The following SLX4 variants were observed in gnomAD, a reference collection of about 807,000 sequenced individuals.
SLX4 encodes the protein structure-specific endonuclease subunit SLX4.
Under a neutral mutation model 146.2 loss-of-function variants are expected in SLX4, and 112 were observed. The observed-to-expected ratio is 0.77, with a 90% CI of 0.66 to 0.90. SLX4 has a LOEUF of 0.90. Among genes scored for constraint, SLX4 ranks in the 40% least tolerant of loss-of-function variants. The probability of loss-of-function intolerance (pLI) is 0.00; values close to 1 mark genes in which losing one functional copy is unlikely to be tolerated. For synonymous variants in SLX4, 1,061 were observed against 997.7 expected (o/e 1.06, Z -1.20); for missense variants, 2,563 against 2,392.7 (o/e 1.07, Z -1.49).
chr16:3,582,031 C>T lies in SLX4; in HGVS notation c.*311G>A, dbSNP rs749668095. 137 of 447,254 alleles carry T rather than the reference C, an allele frequency of 3.1e-4. No homozygotes were observed. Among genetic ancestry groups the T allele is most frequent in the Non-Finnish European group, 4.6e-4 (112 of 245,234 alleles). The allele number at this position is 447,254 out of a possible 1,614,324, so 27.7% of individuals were successfully genotyped here. On this transcript the variant is annotated 3_prime_UTR_variant, in exon 15 of 15. Transcript: ENST00000294008. ...GCACTCCAGCCTAGGTGACACAGCA[C>T]GACTGTCTCAAAAAGAAAAAAAAAA...
At position 3,597,242 on chromosome 16, in the gene SLX4, G is replaced by T; in HGVS notation, c.1683+137C>A. ...GAGAAGAAAGCTGCAGCCACCAAGT[G>T]CCCCTCTGGCCTCCTCCCGCCTCTG... On this transcript the variant is annotated intron_variant, in intron 7 of 14. Transcript: ENST00000294008. This position sits in a 1 kb window ranked among gnomAD's most constrained non-coding sequence, Gnocchi z 4.4. 3.2e-6 allele frequency: 3 copies of T among 933,988 alleles called. No individual in the cohort carries two copies. Among genetic ancestry groups the T allele is most frequent in the South Asian group, 3.6e-5 (2 of 56,156 alleles). The allele number at this position is 933,988 out of a possible 1,614,324, so 57.9% of individuals were successfully genotyped here.
chr16:3,599,597 GT>G (rs2040704573), intron 5 of SLX4, among the ~76,000 whole-genome samples: 1 of 152,192 alleles, frequency 6.6e-6, no homozygotes, highest in Admixed American at 6.5e-5. Flanking sequence ...GTTTTTGTTT[GT>G]TTTATGAAGA....
intron 3 of SLX4, among the ~76,000 whole-genome samples, chr16:3,606,241 G>T (rs1433134870): frequency 6.6e-6 from 1 of 151,908 alleles, no homozygotes; most frequent in African/African-American, 2.4e-5. Flanking sequence ...ACAGAGCAAG[G>T]CTCTGTCTCA....
chr16:3,582,997 T>C, intron 14 of SLX4, 100 bp downstream of exon 14: 2 of 1,469,578 alleles, frequency 1.4e-6, no homozygotes, highest in Non-Finnish European at 1.9e-6. Context: ...GTGACGGGGG[T>C]TTTTGAAGAT....
At position 3,582,499 on chromosome 16, in the gene SLX4, G is replaced by A. The variant is rs2151115639; in HGVS notation, c.5348C>T (p.Ala1783Val). The change falls in exon 15 of 15, where the codon GCA (alanine) becomes GTA (valine). Residue 1783 changes from alanine to valine, a missense_variant. Ala to Val is a moderately conservative substitution (Grantham distance 64). Transcript: ENST00000294008. Reference sequence around the variant, plus strand: ...ACGGAGGCCGTTCTGCCTCAGCTCTGCCTGCAGCTCCCGCAGCTCAAAGGG... The same window carrying A: ...ACGGAGGCCGTTCTGCCTCAGCTCTACCTGCAGCTCCCGCAGCTCAAAGGG... ...YQPFELRELQ[A>V]ELRQNGLRVS... The A allele has an allele frequency of 6.2e-7, 1 of 1,614,036 alleles. No individual in the cohort carries two copies. Among genetic ancestry groups the A allele is most frequent in the South Asian group, 1.1e-5 (1 of 91,086 alleles).
In SLX4 at chr16:3,602,147, G is replaced by A. The variant is rs370468973; in HGVS notation, c.921C>T (p.Asn307=). ...TCACATGCTGTTCCCTTCGGGTCAC[G>A]TTCATGGCTGAGAGGTTCTTTTGAC... ...QICQKNLSAM[N]VTRREQHVNR... is the part of the protein sequence containing the mutation. The change falls in exon 4 of 15, where the codon AAC becomes AAT. Residue 307 remains asparagine (N), a synonymous_variant. Coordinates refer to ENST00000294008, the MANE Select transcript of SLX4 (RefSeq NM_032444.4). The A allele has an allele frequency of 2.5e-5, 40 of 1,614,016 alleles. No individual in the cohort carries two copies. In the African/African-American group the frequency reaches 3.9e-4, roughly 16 times the overall value.
chr16:3,606,751 G>T (rs2151138166), intron 2 of SLX4, 53 bp from the exon 3 acceptor site: 3 of 1,593,950 alleles, frequency 1.9e-6, no homozygotes, highest in Non-Finnish European at 2.6e-6. Context: ...AGAAATAAAA[G>T]ACTTTTCTAC....
In SLX4 at chr16:3,596,141, C is replaced by T. The variant is rs1196800834; in HGVS notation, c.1924+12G>A. The T allele has an allele frequency of 6.5e-7, 1 of 1,548,148 alleles. No homozygotes were observed. The highest frequency in any genetic ancestry group is 1.4e-5 in the African/African-American group (1 of 73,268). On this transcript the variant is annotated intron_variant, in intron 8 of 14. Transcript: ENST00000294008. ...GGCAGGGCTGGCCCTAGAGTCCCAC[C>T]CAGCATCTCACCTGCAGTCCCTTCC... is the stretch of plus-strand genomic sequence containing the variant.
intron 5 of SLX4, among the ~76,000 whole-genome samples, chr16:3,599,679 CA>C (rs909540915): frequency 6.6e-6 from 1 of 152,194 alleles, no homozygotes; most frequent in Non-Finnish European, 1.5e-5. Context: ...CTTGGCCTCC[CA>C]GGCTCAAGTG....
intron 2 of SLX4, among the ~76,000 whole-genome samples, chr16:3,608,104 G>C (rs993529836): frequency 5.9e-5 from 9 of 152,234 alleles, no homozygotes; most frequent in African/African-American, 2.2e-4. Context: ...AGGATTGCTT[G>C]AGTCCAGGAG....
At position 3,581,991 on chromosome 16, in the gene SLX4, CGA is replaced by C; in HGVS notation, c.*349_*350del. 1 of 319,286 alleles carries C rather than the reference CGA, an allele frequency of 3.1e-6. No homozygotes were observed. The highest frequency in any genetic ancestry group is 5.9e-6 in the Non-Finnish European group (1 of 170,368). The allele number at this position is 319,286 out of a possible 1,614,324, so 19.8% of individuals were successfully genotyped here. A position where few individuals can be genotyped will look rare whatever the true frequency, so the allele number is the denominator to read the frequency against. Reference sequence around the variant, plus strand: ...CCGGGAGGCGGAGGTTGCAGTGAGCCGAGATTGTGCCACTGCACTCCAGCCTA... The same window carrying C: ...CCGGGAGGCGGAGGTTGCAGTGAGCCGATTGTGCCACTGCACTCCAGCCTA... On this transcript the variant is annotated 3_prime_UTR_variant, in exon 15 of 15. Coordinates refer to ENST00000294008, the MANE Select transcript of SLX4 (RefSeq NM_032444.4).
intron 13 of SLX4, among the ~76,000 whole-genome samples, chr16:3,584,089 A>G (rs1231515277): frequency 6.6e-6 from 1 of 151,984 alleles, no homozygotes; most frequent in Non-Finnish European, 1.5e-5. Flanking sequence ...GTGGAAGAGC[A>G]GTGTCATGTG....
In SLX4 at chr16:3,582,222, TC is replaced by T; in HGVS notation, c.*119del. On this transcript the variant is annotated 3_prime_UTR_variant, in exon 15 of 15. Transcript: ENST00000294008. ...TCATCACAGCGCAGAGCTGATGTGG[TC>T]CCCAGGCCCAGAAATGCCTGTGGAG... 2 of 784,670 alleles carry T rather than the reference TC, an allele frequency of 2.5e-6. No homozygotes were observed. Among genetic ancestry groups the T allele is most frequent in the Non-Finnish European group, 4.1e-6 (2 of 483,590 alleles). The allele number at this position is 784,670 out of a possible 1,614,324, so 48.6% of individuals were successfully genotyped here.
chr16:3,595,784 C>T (rs1406723077), intron 8 of SLX4, 91 bp from the exon 9 acceptor site: 1 of 1,446,380 alleles, frequency 6.9e-7, no homozygotes, highest in Non-Finnish European at 9.6e-7. Context: ...TGAGCCAGCC[C>T]CTGCGGTGCC....
At chr16:3,609,768 T>A (rs1456835394) in intron 1 of SLX4, among the ~76,000 whole-genome samples, 1 of 152,220 alleles carries the variant, frequency 6.6e-6, no homozygotes, top group African/African-American at 2.4e-5. Context: ...TGTCAAAGCA[T>A]GTTGTTCTTC....
At chr16:3,611,300 C>T (rs2040867785) in intron 1 of SLX4, among the ~76,000 whole-genome samples, 1 of 152,250 alleles carries the variant, frequency 6.6e-6, no homozygotes, top group Admixed American at 6.5e-5. Flanking sequence ...GAACCCCGAT[C>T]CCCGGACTGG....
Position 3,582,404 on chromosome 16 carries a change from T to G in SLX4, c.5443A>C (p.Arg1815=), listed in dbSNP as rs754787821. 4 of 1,613,874 alleles carry G rather than the reference T, an allele frequency of 2.5e-6. No homozygotes were observed. In the South Asian group the frequency reaches 4.4e-5, roughly 18 times the overall value. ...CITFTTAATR[R]EKLQGRRRQP... Reference sequence around the variant, plus strand: ...CGCCTCCTGCCCTGGAGCTTCTCCCTGCGGGTGGCGGCAGTGGTGAAGGTG... The same window carrying G: ...CGCCTCCTGCCCTGGAGCTTCTCCCGGCGGGTGGCGGCAGTGGTGAAGGTG... Residue 1815 remains arginine (R), a synonymous_variant, in exon 15 of 15, where the codon AGG becomes CGG. Coordinates refer to ENST00000294008, the MANE Select transcript of SLX4 (RefSeq NM_032444.4).
Position 3,589,029 on chromosome 16 carries a change from G to C in SLX4, c.4609C>G (p.Gln1537Glu), listed in dbSNP as rs2151120821. ...GGTGTCTCTAACCCTTCGGGCTTCT[G>C]AGCTCCACCAGCGCTTGGCATCTGG... The part of the protein sequence containing the change: ...PAQMPSAGGA[Q>E]KPEGLETPKG... Residue 1537 changes from glutamine (Q) to glutamate (E), a missense_variant, in exon 12 of 15, where the codon CAG (glutamine) becomes GAG (glutamate). Gln to Glu is a conservative substitution (Grantham distance 29). Coordinates refer to ENST00000294008, the MANE Select transcript of SLX4 (RefSeq NM_032444.4). The surrounding 1 kb of genome is among the most constrained non-coding windows in gnomAD (Gnocchi z 6.2). The C allele has an allele frequency of 6.2e-7, 1 of 1,614,150 alleles. No homozygotes were observed. Among genetic ancestry groups the C allele is most frequent in the Non-Finnish European group, 8.5e-7 (1 of 1,180,048 alleles).
Position 3,583,298 on chromosome 16 carries a change from G to C in SLX4, c.4952C>G (p.Pro1651Arg), listed in dbSNP as rs752244866. The change falls in exon 14 of 15, where the codon CCT (proline) becomes CGT (arginine). Residue 1651 changes from proline to arginine, a missense_variant. Coordinates refer to ENST00000294008, the MANE Select transcript of SLX4 (RefSeq NM_032444.4). ...VHAQQEATTG[P>R]GAHRPKGPAK... ...AGGTCCCTTGGGCCTATGGGCCCCA[G>C]GTCCTGTGGTGGCCTCCTGCTGGGC... The C allele has an allele frequency of 6.2e-7, 1 of 1,614,186 alleles. No individual in the cohort carries two copies. The highest frequency in any genetic ancestry group is 1.1e-5 in the South Asian group (1 of 91,084).
Sources: gnomAD v4.1 joint callset for allele counts (sites outside exome capture counted in the v4.1 genomes callset) on GRCh38, gnomAD v4.1.1 for gene constraint, Gnocchi (gnomAD v3.1) non-coding constraint, MANE v1.5 for transcripts, NCBI Gene and HGNC (gene_info 2026-07-23, HGNC 2026-07-21) for gene names.